Variants in PRELID2 observed in about 807,000 individuals in gnomAD.
The protein encoded by PRELID2 is PRELI domain-containing protein 2.
PRELID2 carries 25 observed loss-of-function variants against 28.4 expected under a neutral mutation model. The ratio of observed to expected loss-of-function variants is 0.88; its 90% CI spans 0.64 to 1.23. The LOEUF (loss-of-function observed/expected upper bound fraction) is 1.23, where lower values mean the gene tolerates loss of function less well. Among genes scored for constraint, PRELID2 ranks in the 50% most tolerant of loss-of-function variants. The pLI is 0.00. For missense variants in PRELID2, 201 were observed against 214.4 expected, an observed-to-expected ratio of 0.94 and a Z score of 0.39; for synonymous variants, 76 against 71.6, an observed-to-expected ratio of 1.06 and a Z score of -0.31.
the PRELID2 span, among the ~76,000 whole-genome samples, chr5:145,393,477 G>C: frequency 6.6e-6 from 1 of 152,186 alleles, no homozygotes; most frequent in Non-Finnish European, 1.5e-5. Context: ...TCCAGAACAA[G>C]AATAGGTTCA....
At chr5:145,360,267 G>C in the PRELID2 span, among the ~76,000 whole-genome samples, 1 of 152,214 alleles carries the variant, frequency 6.6e-6, no homozygotes, top group Non-Finnish European at 1.5e-5. Context: ...ATCCCCCAAA[G>C]AGTGGCAGGA....
At chr5:145,790,729 A>G (rs961511225) in intron 5 of PRELID2, among the ~76,000 whole-genome samples, 858 of 54,062 alleles carry the variant, frequency 0.016, 7 homozygotes, top group African/African-American at 0.031. Flanking sequence ...GTGTATATAT[A>G]TATATATATA....
chr5:145,671,978 C>T (rs1491003298), intron 1 of PRELID2, among the ~76,000 whole-genome samples: 2 of 152,060 alleles, frequency 1.3e-5, no homozygotes, highest in African/African-American at 4.8e-5. Flanking sequence ...TAAAATTGCC[C>T]AAGTGCTTTA....
chr5:145,262,124 A>C, the PRELID2 span, among the ~76,000 whole-genome samples: 149 of 152,230 alleles, frequency 9.8e-4, no homozygotes, highest in African/African-American at 3.3e-3. Context: ...AAGGCTTTGG[A>C]ATTAACCCAA....
At chr5:145,418,882 C>T in the PRELID2 span, among the ~76,000 whole-genome samples, 1 of 142,790 alleles carries the variant, frequency 7.0e-6, no homozygotes. Context: ...CTCCCCCCTA[C>T]CCCCACCCCA....
chr5:145,814,923 G>A (rs1324664879), intron 4 of PRELID2, among the ~76,000 whole-genome samples: 1 of 152,222 alleles, frequency 6.6e-6, no homozygotes, highest in African/African-American at 2.4e-5. Flanking sequence ...CTGTTGATCA[G>A]TGTAAAATGT....
At chr5:145,276,315 A>G in the PRELID2 span, among the ~76,000 whole-genome samples, 5 of 151,958 alleles carry the variant, frequency 3.3e-5, no homozygotes, top group African/African-American at 1.2e-4. Flanking sequence ...AAAATATCTC[A>G]TCTAAGTTGC....
At chr5:145,478,305 T>C (rs773370597) in intron 1 of PRELID2, among the ~76,000 whole-genome samples, 1 of 152,072 alleles carries the variant, frequency 6.6e-6, no homozygotes, top group African/African-American at 2.4e-5. Context: ...CCCAGCACTT[T>C]GGGAGGCAGA....
the PRELID2 span, among the ~76,000 whole-genome samples, chr5:145,410,033 C>G: frequency 6.6e-6 from 1 of 152,066 alleles, no homozygotes; most frequent in African/African-American, 2.4e-5. Context: ...TGATCTTTGA[C>G]AAAGTAAACA....
intron 1 of PRELID2, among the ~76,000 whole-genome samples, chr5:145,704,806 G>A (rs1755500074): frequency 6.6e-6 from 1 of 152,172 alleles, no homozygotes; most frequent in African/African-American, 2.4e-5. Flanking sequence ...TCAGAGTGGT[G>A]GGACCAGTAA....
the PRELID2 span, among the ~76,000 whole-genome samples, chr5:145,353,121 T>G: frequency 9.2e-3 from 1,398 of 152,252 alleles, 5 homozygotes; most frequent in Non-Finnish European, 0.014. Context: ...CCACTCTCTG[T>G]GGTACCAATT....
chr5:145,349,176 C>T, the PRELID2 span, among the ~76,000 whole-genome samples: 1 of 151,986 alleles, frequency 6.6e-6, no homozygotes, highest in African/African-American at 2.4e-5. Flanking sequence ...GCTATTATTG[C>T]CTATTTTATT....
At chr5:145,374,238 A>G in the PRELID2 span, among the ~76,000 whole-genome samples, 1 of 151,994 alleles carries the variant, frequency 6.6e-6, no homozygotes, top group Non-Finnish European at 1.5e-5. Flanking sequence ...TCCATCACTT[A>G]TGAAGCTCAG....
chr5:145,794,657 C>G lies in PRELID2; in HGVS notation c.474+1785G>C, dbSNP rs542767199. Among the ~76,000 whole-genome samples, 4 of 152,072 alleles carry G rather than the reference C, an allele frequency of 2.6e-5. No homozygotes were observed. In the East Asian group the frequency reaches 7.7e-4, roughly 29 times the overall value. On this transcript the variant is annotated intron_variant, in intron 5 of 6. Transcript: ENST00000683046. ...AAGGAAGCAGGGAAAGCAGTTACCA[C>G]GTATCGGGTATGCTTATCTTTTAAG...
In PRELID2 at chr5:145,759,783, T is replaced by G. The variant is rs1240568285; in HGVS notation, c.*753A>C. The G allele has an allele frequency of 6.6e-6, 1 of 152,210 alleles. No homozygotes were observed. The highest frequency in any genetic ancestry group is 6.5e-5 in the Admixed American group (1 of 15,272). 9.4% of individuals were successfully genotyped at this position (152,210 alleles called of 1,614,324 possible). A position where few individuals can be genotyped will look rare whatever the true frequency, so the allele number is the denominator to read the frequency against. Reference sequence around the variant, plus strand: ...AGACCTGTGCCTGATTATCCCCATTTGCCCAATAAAAAACAGAGAGGTTAA... The same window carrying G: ...AGACCTGTGCCTGATTATCCCCATTGGCCCAATAAAAAACAGAGAGGTTAA... On this transcript the variant is annotated 3_prime_UTR_variant, in exon 7 of 7. Transcript: ENST00000683046.
intron 1 of PRELID2, among the ~76,000 whole-genome samples, chr5:145,533,729 C>T (rs1752673941): frequency 6.6e-6 from 1 of 152,060 alleles, no homozygotes; most frequent in Admixed American, 6.6e-5. Context: ...GTTCAAGTTA[C>T]ATATTATCAA....
chr5:145,536,977 T>C (rs1049287416), intron 1 of PRELID2, among the ~76,000 whole-genome samples: 5 of 151,860 alleles, frequency 3.3e-5, no homozygotes, highest in African/African-American at 9.7e-5. Flanking sequence ...AAGTTTTTAA[T>C]TTTTAAAAAA....
chr5:145,705,410 G>C (rs1430011221), intron 1 of PRELID2, among the ~76,000 whole-genome samples: 1 of 151,808 alleles, frequency 6.6e-6, no homozygotes, highest in Admixed American at 6.6e-5. Context: ...GACCATATTG[G>C]CCAGGCTGGT....
At chr5:145,816,288 A>G (rs1754303614) in intron 4 of PRELID2, among the ~76,000 whole-genome samples, 1 of 151,606 alleles carries the variant, frequency 6.6e-6, no homozygotes, top group Non-Finnish European at 1.5e-5. Flanking sequence ...TTGCCATGTG[A>G]CTAGGGTGGT....
Sources: allele counts gnomAD v4.1 joint callset (sites outside exome capture counted in the v4.1 genomes callset), GRCh38; gene constraint gnomAD v4.1.1; transcripts MANE v1.5; gene names NCBI Gene and HGNC (gene_info 2026-07-23, HGNC 2026-07-21).